The following PTS variants were observed in gnomAD, a reference collection of about 807,000 sequenced individuals.
The protein encoded by PTS is 6-pyruvoyltetrahydropterin synthase.
Under a neutral mutation model 20.6 loss-of-function variants are expected in PTS, and 23 were observed. The ratio of observed to expected loss-of-function variants is 1.12; its 90% confidence interval spans 0.80 to 1.58. The LOEUF (loss-of-function observed/expected upper bound fraction) is 1.58. PTS is among the 40% of genes most tolerant of loss of function. PTS has a pLI of 0.00. For synonymous variants in PTS, 65 were observed against 62.5 expected, an observed-to-expected ratio of 1.04 and a Z score of -0.19; for missense variants, 186 against 182.4, an observed-to-expected ratio of 1.02 and a Z score of -0.11.
intron 2 of PTS, 77 bp from the exon 3 acceptor site, chr11:112,230,131 A>G: frequency 7.3e-7 from 1 of 1,362,114 alleles, no homozygotes; most frequent in Non-Finnish European, 1.1e-6. Context: ...TTGTGCTTGT[A>G]TGTTGCTAAC....
intron 1 of PTS, 145 bp downstream of exon 1, chr11:112,226,671 G>A (rs967230717): frequency 7.7e-5 from 38 of 495,052 alleles, no homozygotes; most frequent in Admixed American, 1.9e-4. Flanking sequence ...GGCTTCGTGG[G>A]GCTTCGGACG....
intron 5 of PTS, 58 bp from the exon 6 acceptor site, chr11:112,233,374 A>G: frequency 6.5e-7 from 1 of 1,545,768 alleles, no homozygotes; most frequent in Non-Finnish European, 8.8e-7. Context: ...AATATTAAAC[A>G]TGAAATTTTA....
chr11:112,232,411 T>G, intron 4 of PTS, among the ~76,000 whole-genome samples: 1 of 152,240 alleles, frequency 6.6e-6, no homozygotes, highest in East Asian at 1.9e-4. Context: ...GGACTTACTC[T>G]TTTTGTATGA....
intron 2 of PTS, 167 bp from the exon 3 acceptor site, chr11:112,230,041 T>C: frequency 1.4e-6 from 1 of 719,296 alleles, no homozygotes; most frequent in Non-Finnish European, 2.3e-6. Context: ...AAAAAAAATC[T>C]TAACTAAAAT....
chr11:112,227,060 G>A (rs111991945), intron 1 of PTS, among the ~76,000 whole-genome samples: 2,633 of 130,922 alleles, frequency 0.02, 40 homozygotes, highest in Non-Finnish European at 0.029. Flanking sequence ...GTGGCTAGGA[G>A]AAAAAAAAAA....
intron 4 of PTS, among the ~76,000 whole-genome samples, chr11:112,232,199 A>G (rs1859947383): frequency 6.6e-6 from 1 of 152,146 alleles, no homozygotes; most frequent in South Asian, 2.1e-4. Flanking sequence ...AGCTATGATT[A>G]TGCCACTTGC....
chr11:112,230,403 T>G, intron 3 of PTS, 173 bp downstream of exon 3: 1 of 878,858 alleles, frequency 1.1e-6, no homozygotes, highest in Non-Finnish European at 1.9e-6. Flanking sequence ...ACCAAAGTGT[T>G]GTCTTTAATA....
At chr11:112,233,266 T>G in intron 5 of PTS, 33 bp downstream of exon 5, 1 of 1,593,922 alleles carries the variant, frequency 6.3e-7, no homozygotes, top group Non-Finnish European at 8.6e-7. Context: ...TTATGTGGAT[T>G]GTAAAACAAG....
At chr11:112,229,933 A>G (rs1003283225) in intron 2 of PTS, among the ~76,000 whole-genome samples, 10 of 152,340 alleles carry the variant, frequency 6.6e-5, no homozygotes, top group African/African-American at 2.4e-4. Context: ...TAACATAAGC[A>G]GAATTTACAC....
At chr11:112,232,271 C>T (rs930485684) in intron 4 of PTS, among the ~76,000 whole-genome samples, 2 of 152,130 alleles carry the variant, frequency 1.3e-5, no homozygotes, top group African/African-American at 4.8e-5. Flanking sequence ...ACAAAAAGCC[C>T]TGCATAAGAG....
At chr11:112,230,796 A>G in intron 4 of PTS, 114 bp downstream of exon 4, 1 of 950,740 alleles carries the variant, frequency 1.1e-6, no homozygotes, top group South Asian at 1.3e-5. Flanking sequence ...TTGTGAATAG[A>G]ACTGGATGTG....
chr11:112,233,407 T>G (rs745305725), intron 5 of PTS, 25 bp from the exon 6 acceptor site: 1 of 1,587,404 alleles, frequency 6.3e-7, no homozygotes, highest in Non-Finnish European at 8.6e-7. Flanking sequence ...TGAATTTTTT[T>G]TGTTTTTGTT....
chr11:112,231,991 A>C (rs982164148), intron 4 of PTS, among the ~76,000 whole-genome samples: 2 of 152,102 alleles, frequency 1.3e-5, no homozygotes, highest in Non-Finnish European at 2.9e-5. Context: ...GAAAAGAGAC[A>C]AGACAGCAAC....
chr11:112,226,673 C>A, intron 1 of PTS, 147 bp downstream of exon 1: 1 of 494,782 alleles, frequency 2.0e-6, no homozygotes, highest in South Asian at 6.5e-5. Flanking sequence ...CTTCGTGGGG[C>A]TTCGGACGGC....
chr11:112,229,175 G>A (rs1859900495), intron 2 of PTS: 1 of 172,882 alleles, frequency 5.8e-6, no homozygotes, highest in Non-Finnish European at 1.2e-5. Context: ...ATAAGTCGTA[G>A]AGTATAAAAC....
At chr11:112,226,570 G>T in intron 1 of PTS, 44 bp downstream of exon 1, 1 of 1,475,000 alleles carries the variant, frequency 6.8e-7, no homozygotes, top group African/African-American at 1.5e-5. Flanking sequence ...TGGGCGCCGG[G>T]CCCCGGAACG....
Position 112,233,654 on chromosome 11 carries a change from A to G in PTS, c.*99A>G. On this transcript the variant is annotated 3_prime_UTR_variant, in exon 6 of 6. Coordinates refer to ENST00000280362, the MANE Select transcript of PTS (RefSeq NM_000317.3). ...TAAGAGGTCAACACGTGATTGTTGT[A>G]CGTACACATTGTGCTCTGGAGTGCC... 1 of 1,567,632 alleles carries G rather than the reference A, an allele frequency of 6.4e-7. No individual in the cohort carries two copies. Among genetic ancestry groups the G allele is most frequent in the Non-Finnish European group, 8.7e-7 (1 of 1,152,166 alleles).
At position 112,226,501 on chromosome 11, in the gene PTS, T is replaced by C; in HGVS notation, c.58T>C (p.Phe20Leu). 6.3e-7 allele frequency: 1 copy of C among 1,585,952 alleles called. No homozygotes were observed. The highest frequency in any genetic ancestry group is 2.3e-5 in the East Asian group (1 of 43,900). The change falls in exon 1 of 6, where the codon TTC becomes CTC. Residue 20 changes from phenylalanine to leucine, a missense_variant. By Grantham distance (22) the Phe-to-Leu change is conservative (BLOSUM62 0). Coordinates refer to ENST00000280362, the MANE Select transcript of PTS (RefSeq NM_000317.3). ...GGCACAAGTGTCCCGCCGCATCTCC[T>C]TCAGCGCGAGCCACCGATTGTACAG... ...CQAQVSRRISFSASHRLYSKF... is the reference protein window; with the variant it reads ...CQAQVSRRISLSASHRLYSKF...
chr11:112,226,704 C>CT (rs2135407349), intron 1 of PTS, among the ~76,000 whole-genome samples, 178 bp downstream of exon 1: 1 of 151,978 alleles, frequency 6.6e-6, no homozygotes, highest in South Asian at 2.1e-4. Flanking sequence ...CTGATGGGGG[C>CT]TGGAGTGTCC....
Sources: gnomAD v4.1 joint callset for allele counts (sites outside exome capture counted in the v4.1 genomes callset) on GRCh38, gnomAD v4.1.1 for gene constraint, MANE v1.5 for transcripts, NCBI Gene and HGNC (gene_info 2026-07-23, HGNC 2026-07-21) for gene names.